CLECL1: variants seen among roughly 807,000 people sequenced by gnomAD.
CLECL1 encodes C-type lectin like 1, also known as C-type lectin-like domain family 1.
At chr12:9,719,571 T>C (rs967018416), downstream of CLECL1, among the ~76,000 whole-genome samples, 6 of 151,962 alleles carry the variant, frequency 3.9e-5, no homozygotes, top group Admixed American at 3.3e-4. Context: ...CTGGGCAACA[T>C]AGCAAGATGC....
At chr12:9,722,891 A>G in intron 3 of CLECL1, 78 bp from the exon 2 acceptor site, 1 of 1,089,662 alleles carries the variant, frequency 9.2e-7, no homozygotes, top group Non-Finnish European at 1.3e-6. Flanking sequence ...AAGGGTCTCA[A>G]ATTTGGTTAT....
At chr12:9,710,293 T>C in the CLECL1 span, among the ~76,000 whole-genome samples, 1 of 152,174 alleles carries the variant, frequency 6.6e-6, no homozygotes, top group Non-Finnish European at 1.5e-5. Context: ...AGATGATGGC[T>C]CCGCTTTGCT....
chr12:9,726,313 AT>A (rs1363271149), intron 3 of CLECL1, among the ~76,000 whole-genome samples: 14 of 152,082 alleles, frequency 9.2e-5, no homozygotes, highest in African/African-American at 2.7e-4. Context: ...AAGTTTGAAA[AT>A]ACATCCCTAG....
chr12:9,732,194 TC>T lies in CLECL1; in HGVS notation n.82+754del, dbSNP rs775333353. ...AATACGAACAAAGTAGCAGATTCAT[TC>T]CACAAGGGCAAATACAAAGGAGGAA... is the stretch of plus-strand genomic sequence containing the variant. On this transcript the variant is annotated intron_variant and non_coding_transcript_variant, in intron 1 of 3. Coordinates refer to ENST00000621400, the Ensembl canonical transcript of CLECL1. Among the ~76,000 whole-genome samples the T allele has an allele frequency of 6.6e-5, 10 of 152,254 alleles. No homozygotes were observed. In the South Asian group the frequency reaches 2.1e-3, roughly 32 times the overall value.
the CLECL1 span, among the ~76,000 whole-genome samples, chr12:9,705,123 T>G: frequency 6.6e-6 from 1 of 152,222 alleles, no homozygotes; most frequent in Non-Finnish European, 1.5e-5. Flanking sequence ...TGGGATGGTG[T>G]CTCATTGTGG....
chr12:9,733,366 C>T (rs547074560), upstream of CLECL1: 91 of 710,790 alleles, frequency 1.3e-4, no homozygotes, highest in Middle Eastern at 1.1e-3. Flanking sequence ...CTCCTATAGA[C>T]CACTTCCTCT....
At chr12:9,731,674 G>A (rs998828552) in intron 1 of CLECL1, among the ~76,000 whole-genome samples, 3 of 152,204 alleles carry the variant, frequency 2.0e-5, no homozygotes, top group African/African-American at 7.2e-5. Context: ...ATGACTATAG[G>A]TAGGTAATTT....
intron 3 of CLECL1, among the ~76,000 whole-genome samples, chr12:9,727,092 C>A (rs1464393654): frequency 6.6e-6 from 1 of 151,222 alleles, no homozygotes; most frequent in Non-Finnish European, 1.5e-5. Context: ...ATCAAATAAC[C>A]TAAGAAAATT....
chr12:9,733,801 T>C (rs1866484094), upstream of CLECL1, among the ~76,000 whole-genome samples: 1 of 152,228 alleles, frequency 6.6e-6, no homozygotes, highest in Non-Finnish European at 1.5e-5. Flanking sequence ...TCCTATTTCT[T>C]CTAAAATTCC....
At chr12:9,706,334 T>C in the CLECL1 span, among the ~76,000 whole-genome samples, 1 of 152,220 alleles carries the variant, frequency 6.6e-6, no homozygotes, top group African/African-American at 2.4e-5. Context: ...TCTTCCTCTT[T>C]GAATATGCTT....
downstream of CLECL1, among the ~76,000 whole-genome samples, chr12:9,712,498 A>C (rs759719184): frequency 1.3e-5 from 2 of 152,310 alleles, no homozygotes; most frequent in Admixed American, 1.3e-4. Flanking sequence ...CTACAAATGA[A>C]ATCTTTTTAT....
chr12:9,733,659 A>T (rs928654324), upstream of CLECL1, among the ~76,000 whole-genome samples: 1 of 152,228 alleles, frequency 6.6e-6, no homozygotes, highest in African/African-American at 2.4e-5. Flanking sequence ...ACTAAAAAAT[A>T]TATATTTAAG....
At chr12:9,721,505 G>T (rs910697381), downstream of CLECL1, among the ~76,000 whole-genome samples, 1 of 152,180 alleles carries the variant, frequency 6.6e-6, no homozygotes. Flanking sequence ...GTAAGTTTCC[G>T]TTAAAATGTG....
intron 1 of CLECL1, among the ~76,000 whole-genome samples, chr12:9,729,938 G>A (rs768610876): frequency 6.6e-6 from 1 of 151,760 alleles, no homozygotes; most frequent in Non-Finnish European, 1.5e-5. Flanking sequence ...ATCACTGTCT[G>A]TGTCTCTGGG....
chr12:9,705,396 C>A, the CLECL1 span, among the ~76,000 whole-genome samples: 1 of 152,064 alleles, frequency 6.6e-6, no homozygotes. Flanking sequence ...TGCAGAAGAT[C>A]TTTAGTTTAA....
downstream of CLECL1, among the ~76,000 whole-genome samples, chr12:9,712,108 T>G (rs778294105): frequency 6.6e-6 from 1 of 152,310 alleles, no homozygotes; most frequent in South Asian, 2.1e-4. Flanking sequence ...CAAGACCCTA[T>G]AGCTTACTTT....
intron 2 of CLECL1, among the ~76,000 whole-genome samples, chr12:9,728,001 T>C (rs1464837086): frequency 6.6e-6 from 1 of 151,852 alleles, no homozygotes; most frequent in Non-Finnish European, 1.5e-5. Flanking sequence ...TTTAGATCAT[T>C]TGTGTTTAGT....
intron 1 of CLECL1, among the ~76,000 whole-genome samples, chr12:9,731,563 G>C (rs1008611): frequency 0.9 from 136,777 of 152,278 alleles, 61,482 homozygotes; most frequent in East Asian, 0.97. Context: ...CAGCTCTTTC[G>C]CTTGATGGCG....
chr12:9,724,962 A>G (rs1866360875), intron 3 of CLECL1, among the ~76,000 whole-genome samples: 1 of 152,178 alleles, frequency 6.6e-6, no homozygotes, highest in African/African-American at 2.4e-5. Context: ...GAAAACAATT[A>G]TACAAAAATC....
Sources: allele counts gnomAD v4.1 joint callset (sites outside exome capture counted in the v4.1 genomes callset), GRCh38; gene constraint gnomAD v4.1.1; transcripts MANE v1.5; gene names NCBI Gene and HGNC (gene_info 2026-07-23, HGNC 2026-07-21).